Variants in CAMTA1 observed in about 807,000 individuals in gnomAD.
CAMTA1 encodes the protein calmodulin-binding transcription activator 1.
Under a neutral mutation model 170.9 loss-of-function variants are expected in CAMTA1, and 27 were observed. The observed-to-expected ratio is 0.16, with a 90% CI of 0.12 to 0.22. The LOEUF (loss-of-function observed/expected upper bound fraction) is 0.22. Among genes scored for constraint, CAMTA1 ranks in the 10% least tolerant of loss-of-function variants. The pLI is 1.00. For synonymous variants in CAMTA1, 833 were observed against 891.5 expected (o/e 0.93, Z 1.17); for missense variants, 1,619 against 2,217.2 (o/e 0.73, Z 5.42).
intron 3 of CAMTA1, among the ~76,000 whole-genome samples, chr1:6,983,797 G>A (rs1694838831): frequency 6.6e-6 from 1 of 150,602 alleles, no homozygotes; most frequent in Admixed American, 6.6e-5. Flanking sequence ...TGGATAGATG[G>A]TTGATGGATG....
intron 4 of CAMTA1, among the ~76,000 whole-genome samples, chr1:7,100,996 GACCC>G (rs1642652838): frequency 6.6e-6 from 1 of 152,220 alleles, no homozygotes; most frequent in Non-Finnish European, 1.5e-5. Flanking sequence ...CGCCCAGGGT[GACCC>G]TTGCCAGCAT....
intron 5 of CAMTA1, among the ~76,000 whole-genome samples, chr1:7,460,646 C>T (rs1012001109): frequency 6.6e-6 from 1 of 151,964 alleles, no homozygotes; most frequent in African/African-American, 2.4e-5. Flanking sequence ...GCTCCTGTCC[C>T]CTCATTGCTT....
intron 3 of CAMTA1, among the ~76,000 whole-genome samples, chr1:6,867,103 C>T (rs1266546334): frequency 6.6e-6 from 1 of 152,170 alleles, no homozygotes; most frequent in African/African-American, 2.4e-5. Context: ...TGTGCATTGT[C>T]TTGTACATTT....
At chr1:7,385,176 G>A (rs892441491) in intron 5 of CAMTA1, among the ~76,000 whole-genome samples, 7 of 147,848 alleles carry the variant, frequency 4.7e-5, no homozygotes, top group East Asian at 2.0e-4. Context: ...TGCAACCTCC[G>A]CCTCCCAGGT....
intron 6 of CAMTA1, among the ~76,000 whole-genome samples, chr1:7,476,032 C>A (rs1451335997): frequency 2.6e-5 from 4 of 152,236 alleles, no homozygotes; most frequent in Non-Finnish European, 5.9e-5. Context: ...GGTTGACCGA[C>A]CCTGACATAA....
intron 4 of CAMTA1, among the ~76,000 whole-genome samples, chr1:7,242,927 A>C (rs1272579917): frequency 1.3e-5 from 2 of 152,060 alleles, no homozygotes; most frequent in East Asian, 3.8e-4. Context: ...GCACCATTGC[A>C]CTCCAGCCTG....
intron 4 of CAMTA1, among the ~76,000 whole-genome samples, chr1:7,121,454 A>T (rs1372817110): frequency 6.6e-6 from 1 of 152,264 alleles, no homozygotes. Context: ...GCTAGAGAAC[A>T]GCCACACACT....
In CAMTA1 at chr1:7,146,318, T is replaced by C. The variant is rs1366863418; in HGVS notation, c.302+54947T>C. Among the ~76,000 whole-genome samples the C allele has an allele frequency of 2.5e-4, 38 of 152,126 alleles. No homozygotes were observed. Among genetic ancestry groups the C allele is most frequent in the Admixed American group, 2.5e-3 (38 of 15,272 alleles). On this transcript the variant is annotated intron_variant, in intron 4 of 22. Transcript: ENST00000303635. The surrounding 1 kb of genome is among the most constrained non-coding windows in gnomAD (Gnocchi z 4.3). ...GTAGATCAACCAGAGCCTTGGGATATGAGAAGTTAATTTCCACATATCCTG... is the reference window on the plus strand; with the variant it reads ...GTAGATCAACCAGAGCCTTGGGATACGAGAAGTTAATTTCCACATATCCTG...
intron 3 of CAMTA1, among the ~76,000 whole-genome samples, chr1:6,873,538 T>C (rs1223652084): frequency 6.6e-6 from 1 of 152,216 alleles, no homozygotes; most frequent in Non-Finnish European, 1.5e-5. Context: ...TCCCTGCTGT[T>C]GGAATCGGCT....
chr1:7,619,864 G>C (rs2095585521), intron 6 of CAMTA1, among the ~76,000 whole-genome samples: 1 of 152,158 alleles, frequency 6.6e-6, no homozygotes, highest in African/African-American at 2.4e-5. Context: ...TGGCCAGGCT[G>C]GTCTTGAACT....
chr1:6,983,568 A>T (rs1242496465), intron 3 of CAMTA1, among the ~76,000 whole-genome samples: 2 of 152,160 alleles, frequency 1.3e-5, no homozygotes, highest in Non-Finnish European at 2.9e-5. Context: ...GTATTATTTC[A>T]TATTTATCTT....
chr1:7,095,621 A>G (rs1229638915), intron 4 of CAMTA1, among the ~76,000 whole-genome samples: 1 of 152,180 alleles, frequency 6.6e-6, no homozygotes, highest in African/African-American at 2.4e-5. Flanking sequence ...TAGCTCCTCT[A>G]TTCCTCTCCG....
rs531116380 is a variant in CAMTA1, at chr1:7,060,834, G to A, written c.235-30470G>A. On this transcript the variant is annotated intron_variant, in intron 3 of 22. Transcript: ENST00000303635. ...TTGGGTTCCAATTTCCCAGGAGCAC[G>A]GAAAGCGTTGCCAGGAAAGCGGAGT... Among the ~76,000 whole-genome samples, 255 of 152,324 alleles carry A rather than the reference G, an allele frequency of 1.7e-3. 1 individual carries two copies. The highest frequency in any genetic ancestry group is 5.4e-3 in the African/African-American group (226 of 41,572).
At chr1:6,906,740 C>A (rs558422670) in intron 3 of CAMTA1, among the ~76,000 whole-genome samples, 5 of 152,188 alleles carry the variant, frequency 3.3e-5, no homozygotes, top group Non-Finnish European at 7.3e-5. Flanking sequence ...AAGTTTCCCT[C>A]CCCCTCATTT....
chr1:7,713,210 C>T (rs1438585134), intron 11 of CAMTA1, among the ~76,000 whole-genome samples: 1 of 152,224 alleles, frequency 6.6e-6, no homozygotes, highest in African/African-American at 2.4e-5. Context: ...CCATTTCCCA[C>T]ACTGATCTCT....
chr1:7,177,690 G>A (rs1413114221), intron 4 of CAMTA1, among the ~76,000 whole-genome samples: 1 of 147,132 alleles, frequency 6.8e-6, no homozygotes, highest in East Asian at 2.1e-4. Flanking sequence ...CCATATACCA[G>A]TACCCCTCCC....
intron 7 of CAMTA1, 24 bp downstream of exon 7, chr1:7,640,577 C>T (rs376542536): frequency 7.4e-6 from 12 of 1,613,426 alleles, no homozygotes; most frequent in Middle Eastern, 1.6e-4. Context: ...GCCGGCCTGG[C>T]GCCCCCACGC....
At chr1:7,202,616 C>A (rs1270908753) in intron 4 of CAMTA1, among the ~76,000 whole-genome samples, 1 of 152,070 alleles carries the variant, frequency 6.6e-6, no homozygotes, top group African/African-American at 2.4e-5. Context: ...TAATTATTCC[C>A]AAATAGTTTA....
At chr1:7,139,615 C>T (rs959177966) in intron 4 of CAMTA1, among the ~76,000 whole-genome samples, 1 of 152,144 alleles carries the variant, frequency 6.6e-6, no homozygotes, top group African/African-American at 2.4e-5. Context: ...TCCCTTTCCT[C>T]CTGTCTGTCT....
Sources: allele counts gnomAD v4.1 joint callset (sites outside exome capture counted in the v4.1 genomes callset), GRCh38; gene constraint gnomAD v4.1.1; non-coding constraint Gnocchi (gnomAD v3.1); transcripts MANE v1.5; gene names NCBI Gene and HGNC (gene_info 2026-07-23, HGNC 2026-07-21).